Variants in TMPRSS11E observed in about 807,000 individuals in gnomAD.
The protein encoded by TMPRSS11E is transmembrane serine protease 11E, also known as transmembrane protease serine 11E.
TMPRSS11E carries 38 observed loss-of-function variants against 48.1 expected under a neutral mutation model. The ratio of observed to expected loss-of-function variants is 0.79; its 90% confidence interval spans 0.61 to 1.04. TMPRSS11E has a LOEUF of 1.04. TMPRSS11E is among the 50% of genes least tolerant of loss of function. The pLI is 0.00. For synonymous variants in TMPRSS11E, 158 were observed against 171.9 expected (o/e 0.92, Z 0.63); for missense variants, 530 against 510.8 (o/e 1.04, Z -0.36).
chr4:68,488,724 A>G (rs1482419944), intron 9 of TMPRSS11E, among the ~76,000 whole-genome samples: 2 of 152,248 alleles, frequency 1.3e-5, no homozygotes, highest in African/African-American at 2.4e-5. Flanking sequence ...TATTTTTAAT[A>G]GAGACGGGGT....
rs186738736 is a variant in TMPRSS11E, at chr4:68,474,855, G to C, written c.529+94G>C. 7.7e-4 allele frequency: 744 copies of C among 966,872 alleles called. 2 individuals carry two copies. The African/African-American group carries it at 0.01, about 14-fold the overall frequency. 59.9% of individuals were successfully genotyped at this position (966,872 alleles called of 1,614,324 possible). ...GTTTACTTTGTGTTGATATCATAGG[G>C]ACAGAACACATAAAGTTTGATTAAT... On this transcript the variant is annotated intron_variant, in intron 6 of 9. Transcript: ENST00000305363.
intron 1 of TMPRSS11E, among the ~76,000 whole-genome samples, chr4:68,450,910 T>G (rs1285557089): frequency 6.6e-6 from 1 of 151,940 alleles, no homozygotes; most frequent in African/African-American, 2.4e-5. Context: ...ACTAATTCAC[T>G]GGTCTGCAGT....
intron 9 of TMPRSS11E, among the ~76,000 whole-genome samples, chr4:68,485,428 T>G (rs2603168): frequency 0.66 from 100,205 of 151,726 alleles, 33,455 homozygotes; most frequent in East Asian, 0.86. Context: ...ATTACAGGCA[T>G]GAGCCACCGT....
intron 4 of TMPRSS11E, among the ~76,000 whole-genome samples, chr4:68,471,148 T>C (rs1729052703): frequency 6.6e-6 from 1 of 151,876 alleles, no homozygotes; most frequent in South Asian, 2.1e-4. Flanking sequence ...GAAGGAAACA[T>C]TTATGGATGT....
chr4:68,466,773 T>C (rs1728938710), intron 3 of TMPRSS11E, 21 bp downstream of exon 3: 2 of 1,612,770 alleles, frequency 1.2e-6, no homozygotes, highest in Non-Finnish European at 8.5e-7. Flanking sequence ...TGTCATCTAC[T>C]TCTAGTGCAT....
At chr4:68,477,057 T>A (rs998214182) in intron 7 of TMPRSS11E, among the ~76,000 whole-genome samples, 1 of 152,134 alleles carries the variant, frequency 6.6e-6, no homozygotes, top group Non-Finnish European at 1.5e-5. Flanking sequence ...ACATAGAATA[T>A]ATTAATTTCT....
chr4:68,490,208 T>C (rs928507501), intron 9 of TMPRSS11E, among the ~76,000 whole-genome samples: 1 of 152,156 alleles, frequency 6.6e-6, no homozygotes, highest in Non-Finnish European at 1.5e-5. Context: ...TCTCCTTCCA[T>C]CAACTCTCAA....
At chr4:68,490,812 G>A (rs991192457) in intron 9 of TMPRSS11E, among the ~76,000 whole-genome samples, 4 of 138,500 alleles carry the variant, frequency 2.9e-5, no homozygotes, top group African/African-American at 1.1e-4. Context: ...AGGCTGGAGT[G>A]CAGTGGTGCC....
chr4:68,487,225 A>G (rs902064249), intron 9 of TMPRSS11E, among the ~76,000 whole-genome samples: 1 of 151,310 alleles, frequency 6.6e-6, no homozygotes, highest in Non-Finnish European at 1.5e-5. Flanking sequence ...TCAGTGGACT[A>G]TGTAATTGTC....
chr4:68,449,403 G>A (rs1228650633), intron 1 of TMPRSS11E, among the ~76,000 whole-genome samples: 1 of 151,722 alleles, frequency 6.6e-6, no homozygotes, highest in Non-Finnish European at 1.5e-5. Context: ...CAACCACTGA[G>A]AAGAAGTGAA....
intron 9 of TMPRSS11E, among the ~76,000 whole-genome samples, chr4:68,486,931 A>T (rs957432371): frequency 2.0e-5 from 3 of 152,160 alleles, no homozygotes; most frequent in Non-Finnish European, 2.9e-5. Context: ...TGTCTGAAAT[A>T]AGAGTAGCAA....
rs899400569 is a variant in TMPRSS11E at position 68,496,296 on chromosome 4, TTACA to T, written c.1111-346_1111-343del. Among the ~76,000 whole-genome samples the T allele has an allele frequency of 3.9e-4, 59 of 152,200 alleles. 1 individual carries two copies. The highest frequency in any genetic ancestry group is 1.3e-3 in the African/African-American group (56 of 41,536). On this transcript the variant is annotated intron_variant, in intron 9 of 9. Transcript: ENST00000305363. ...TCACTCCCTTTTTTGGGGGGTTATG[TTACA>T]CTAATAAAGAGTATAGACAAAATAA...
At chr4:68,477,054 A>T (rs1487383446) in intron 7 of TMPRSS11E, among the ~76,000 whole-genome samples, 1 of 152,138 alleles carries the variant, frequency 6.6e-6, no homozygotes, top group Non-Finnish European at 1.5e-5. Flanking sequence ...GACACATAGA[A>T]TATATTAATT....
intron 1 of TMPRSS11E, among the ~76,000 whole-genome samples, chr4:68,454,285 C>G (rs572352480): frequency 6.6e-6 from 1 of 151,766 alleles, no homozygotes; most frequent in African/African-American, 2.4e-5. Context: ...ATGAATTAAA[C>G]GCATGGACAT....
chr4:68,478,332 C>T (rs1244007037), intron 8 of TMPRSS11E, among the ~76,000 whole-genome samples: 2 of 151,046 alleles, frequency 1.3e-5, no homozygotes, highest in African/African-American at 2.4e-5. Flanking sequence ...TTAGTAGAGA[C>T]AGGGTTTCAC....
In TMPRSS11E at chr4:68,447,880, A is replaced by G. The variant is rs919639180; in HGVS notation, c.11+357A>G. Among the ~76,000 whole-genome samples, 3 of 151,990 alleles carry G rather than the reference A, an allele frequency of 2.0e-5. No individual in the cohort carries two copies. The East Asian group carries it at 5.8e-4, about 29-fold the overall frequency. On this transcript the variant is annotated intron_variant, in intron 1 of 9. Coordinates refer to ENST00000305363, the MANE Select transcript of TMPRSS11E (RefSeq NM_014058.4). ...GGCTTTGTTTGTCTTATTGAGAAACACTTTTATTTTAGAAGGTGTACATGA... is the reference window on the plus strand; with the variant it reads ...GGCTTTGTTTGTCTTATTGAGAAACGCTTTTATTTTAGAAGGTGTACATGA...
intron 4 of TMPRSS11E, among the ~76,000 whole-genome samples, chr4:68,469,264 C>T (rs1217686704): frequency 6.6e-6 from 1 of 151,916 alleles, no homozygotes; most frequent in East Asian, 1.9e-4. Flanking sequence ...GCAAGTAGTG[C>T]CCCATGTAAG....
intron 1 of TMPRSS11E, among the ~76,000 whole-genome samples, chr4:68,460,080 C>A (rs184080268): frequency 4.1e-4 from 63 of 152,228 alleles, no homozygotes; most frequent in African/African-American, 1.5e-3. Context: ...TAAAAGCTTC[C>A]CTGGTTACGG....
chr4:68,454,380 T>C (rs1352129504), intron 1 of TMPRSS11E, among the ~76,000 whole-genome samples: 1 of 151,972 alleles, frequency 6.6e-6, no homozygotes, highest in Non-Finnish European at 1.5e-5. Context: ...GAAATCCTAC[T>C]TTATTCTAAT....
Sources: gnomAD v4.1 joint callset for allele counts (sites outside exome capture counted in the v4.1 genomes callset) on GRCh38, gnomAD v4.1.1 for gene constraint, MANE v1.5 for transcripts, NCBI Gene and HGNC (gene_info 2026-07-23, HGNC 2026-07-21) for gene names.